Variants in POU2AF3 observed in about 807,000 individuals in gnomAD.
The protein encoded by POU2AF3 is cancer susceptibility candidate 13.
the POU2AF3 span, chr11:111,298,826 G>GCGGGGGCCCC: frequency 1.5e-5 from 12 of 790,958 alleles, no homozygotes; most frequent in Non-Finnish European, 1.7e-5. Flanking sequence ...CGTACCCCAG[G>GCGGGGGCCCC]CCCCCGCCCG....
At chr11:111,307,108 A>G in the POU2AF3 span, among the ~76,000 whole-genome samples, 4 of 151,956 alleles carry the variant, frequency 2.6e-5, no homozygotes, top group Non-Finnish European at 4.4e-5. Context: ...ACTAACTGAT[A>G]GTTTGAGTCT....
At chr11:111,298,826 G>GCGGGGGGGGGGGGGGCC in the POU2AF3 span, 1 of 790,962 alleles carries the variant, frequency 1.3e-6, no homozygotes, top group Non-Finnish European at 1.7e-6. Flanking sequence ...CGTACCCCAG[G>GCGGGGGGGGGGGGGGCC]CCCCCGCCCG....
the POU2AF3 span, chr11:111,298,740 G>C: frequency 9.1e-7 from 1 of 1,095,158 alleles, no homozygotes. Context: ...CGCGAGCCAC[G>C]CTGTGGCCGC....
chr11:111,307,532 T>C, the POU2AF3 span, among the ~76,000 whole-genome samples: 1 of 152,206 alleles, frequency 6.6e-6, no homozygotes, highest in Non-Finnish European at 1.5e-5. Context: ...ATTGTAGACT[T>C]GCTTAAGAGA....
the POU2AF3 span, chr11:111,306,460 G>A: frequency 6.6e-7 from 1 of 1,506,882 alleles, no homozygotes; most frequent in Non-Finnish European, 8.9e-7. Flanking sequence ...GAATTTTCCA[G>A]TTGTGTTTCA....
chr11:111,304,113 C>T, the POU2AF3 span, among the ~76,000 whole-genome samples: 1 of 152,138 alleles, frequency 6.6e-6, no homozygotes, highest in African/African-American at 2.4e-5. Context: ...TAGGTTCCAA[C>T]TCACCAACCA....
the POU2AF3 span, chr11:111,305,192 C>T: frequency 1.0e-5 from 4 of 393,222 alleles, no homozygotes; most frequent in African/African-American, 8.2e-5. Flanking sequence ...ATTCTCTACT[C>T]TCTGCTATAT....
At chr11:111,301,753 A>C in the POU2AF3 span, among the ~76,000 whole-genome samples, 2 of 152,234 alleles carry the variant, frequency 1.3e-5, no homozygotes, top group African/African-American at 4.8e-5. Flanking sequence ...TTGCATACAA[A>C]GCCGTTAGAA....
At chr11:111,303,469 T>C in the POU2AF3 span, among the ~76,000 whole-genome samples, 9 of 152,136 alleles carry the variant, frequency 5.9e-5, no homozygotes, top group Non-Finnish European at 2.9e-5. Flanking sequence ...AGTGAACCCA[T>C]GACTAGAAAG....
the POU2AF3 span, chr11:111,308,351 A>G: frequency 2.6e-6 from 4 of 1,551,622 alleles, no homozygotes; most frequent in Non-Finnish European, 3.5e-6. Flanking sequence ...CTACCCGAGC[A>G]CAGACTGTGT....
chr11:111,299,449 C>A, the POU2AF3 span: 4 of 1,055,852 alleles, frequency 3.8e-6, no homozygotes, highest in East Asian at 6.5e-5. Flanking sequence ...CTACTCACTG[C>A]GGCTTTTCGG....
the POU2AF3 span, chr11:111,299,189 G>A: frequency 3.0e-5 from 29 of 967,690 alleles, no homozygotes; most frequent in South Asian, 3.8e-4. Context: ...CCGGCTTGAG[G>A]GGGATCCCTG....
At chr11:111,300,998 C>A in the POU2AF3 span, among the ~76,000 whole-genome samples, 2 of 152,194 alleles carry the variant, frequency 1.3e-5, no homozygotes, top group Non-Finnish European at 2.9e-5. Context: ...CAGAAATTCA[C>A]CTCATTTTAG....
At chr11:111,305,190 C>T in the POU2AF3 span, 9 of 393,484 alleles carry the variant, frequency 2.3e-5, no homozygotes, top group South Asian at 8.6e-4. Flanking sequence ...GAATTCTCTA[C>T]TCTCTGCTAT....
At chr11:111,308,289 G>A in the POU2AF3 span, 1 of 1,551,766 alleles carries the variant, frequency 6.4e-7, no homozygotes, top group South Asian at 1.2e-5. Flanking sequence ...ATCTGCTACT[G>A]CGCATCGTGT....
chr11:111,303,246 C>T, the POU2AF3 span, among the ~76,000 whole-genome samples: 2 of 141,648 alleles, frequency 1.4e-5, no homozygotes, highest in Non-Finnish European at 3.2e-5. Context: ...TGCGCATGCA[C>T]GCACACACAC....
At chr11:111,302,004 C>T in the POU2AF3 span, among the ~76,000 whole-genome samples, 1 of 152,134 alleles carries the variant, frequency 6.6e-6, no homozygotes, top group African/African-American at 2.4e-5. Flanking sequence ...TTTCAGGTAA[C>T]GCATTAACAC....
At chr11:111,307,792 A>C in the POU2AF3 span, among the ~76,000 whole-genome samples, 2 of 152,230 alleles carry the variant, frequency 1.3e-5, no homozygotes, top group Admixed American at 6.5e-5. Context: ...GTGGTTTCAG[A>C]ACGAGCACCC....
At chr11:111,306,039 G>A in the POU2AF3 span, among the ~76,000 whole-genome samples, 2 of 152,198 alleles carry the variant, frequency 1.3e-5, no homozygotes, top group Non-Finnish European at 2.9e-5. Context: ...ACTTCTGAGA[G>A]GTTTACGTGA....
Sources: gnomAD v4.1 joint callset for allele counts (sites outside exome capture counted in the v4.1 genomes callset) on GRCh38, gnomAD v4.1.1 for gene constraint, MANE v1.5 for transcripts, NCBI Gene and HGNC (gene_info 2026-07-23, HGNC 2026-07-21) for gene names.